The following EFCAB13 variants were observed in gnomAD, a reference collection of about 807,000 sequenced individuals.
EFCAB13 encodes the protein EF-hand calcium-binding domain-containing protein 13.
Under a neutral mutation model 110.2 loss-of-function variants are expected in EFCAB13, and 91 were observed. That is an observed-to-expected ratio of 0.83 (90% CI 0.70 to 0.98). EFCAB13 has a LOEUF of 0.98. EFCAB13 is among the 50% of genes least tolerant of loss of function. The pLI is 0.00. For missense variants in EFCAB13, 968 were observed against 1,119.4 expected, an observed-to-expected ratio of 0.86 and a Z score of 1.93; for synonymous variants, 323 against 369.9, an observed-to-expected ratio of 0.87 and a Z score of 1.45.
rs1373505926 is a variant in EFCAB13 at position 47,344,650 on chromosome 17, C to T, written c.434+358C>T. 8.5e-5 allele frequency among the ~76,000 whole-genome samples: 13 copies of T among 152,112 alleles called. No individual in the cohort carries two copies. In the South Asian group the frequency reaches 2.7e-3, roughly 32 times the overall value. ...AAATCATCTTTTCCAGACATTTTTCCTGATAGGTGATGGAATCTGAGATTC... is the reference window on the plus strand; with the variant it reads ...AAATCATCTTTTCCAGACATTTTTCTTGATAGGTGATGGAATCTGAGATTC... On this transcript the variant is annotated intron_variant, in intron 7 of 24. Coordinates refer to ENST00000331493, the MANE Select transcript of EFCAB13 (RefSeq NM_152347.5).
chr17:47,395,999 A>T, intron 17 of EFCAB13, 22 bp downstream of exon 17: 1 of 1,569,240 alleles, frequency 6.4e-7, no homozygotes. Flanking sequence ...AAATACTAAA[A>T]TTAAAAAGTA....
At chr17:47,420,187 G>T (rs1455775719) in intron 23 of EFCAB13, among the ~76,000 whole-genome samples, 4 of 152,370 alleles carry the variant, frequency 2.6e-5, no homozygotes, top group Non-Finnish European at 5.9e-5. Flanking sequence ...TAACGTGAGT[G>T]ATCCGCCAGC....
intron 2 of EFCAB13, among the ~76,000 whole-genome samples, chr17:47,325,030 C>CCCCCTTTTTTTTTTTT (rs1187065378): frequency 1.7e-5 from 2 of 116,792 alleles, no homozygotes; most frequent in Admixed American, 8.2e-5. Context: ...CCCCACCCCC[C>CCCCCTTTTTTTTTTTT]TTTTTTTTTT....
intron 10 of EFCAB13, among the ~76,000 whole-genome samples, chr17:47,362,787 C>A (rs1409505526): frequency 6.6e-6 from 1 of 152,212 alleles, no homozygotes; most frequent in Non-Finnish European, 1.5e-5. Flanking sequence ...CCTTGGCTGC[C>A]AGGCAGGGAA....
chr17:47,389,868 G>C (rs2065696523), intron 14 of EFCAB13, among the ~76,000 whole-genome samples: 1 of 152,180 alleles, frequency 6.6e-6, no homozygotes, highest in African/African-American at 2.4e-5. Flanking sequence ...AATTAAAAAA[G>C]AGCTTTTAAT....
chr17:47,426,701 A>G (rs1904973912), intron 23 of EFCAB13, among the ~76,000 whole-genome samples: 1 of 152,174 alleles, frequency 6.6e-6, no homozygotes, highest in Non-Finnish European at 1.5e-5. Flanking sequence ...AAAAAAAGAA[A>G]AAAGTTAAAG....
At chr17:47,375,578 G>A (rs944120074) in intron 12 of EFCAB13, among the ~76,000 whole-genome samples, 6 of 152,016 alleles carry the variant, frequency 3.9e-5, no homozygotes, top group African/African-American at 1.4e-4. Context: ...TTACAGGCAT[G>A]AGCCACCACG....
intron 23 of EFCAB13, among the ~76,000 whole-genome samples, chr17:47,425,500 A>G (rs181660677): frequency 6.6e-6 from 1 of 152,320 alleles, no homozygotes; most frequent in East Asian, 1.9e-4. Context: ...GAACCCAGTA[A>G]GCTTTGTCAC....
At chr17:47,336,709 G>C (rs2065353517) in intron 5 of EFCAB13, among the ~76,000 whole-genome samples, 1 of 151,524 alleles carries the variant, frequency 6.6e-6, no homozygotes, top group Non-Finnish European at 1.5e-5. Flanking sequence ...AAAGTGCTGG[G>C]ATTACAAGCG....
intron 4 of EFCAB13, among the ~76,000 whole-genome samples, chr17:47,331,783 GT>G (rs377604994): frequency 2.6e-5 from 4 of 152,124 alleles, no homozygotes; most frequent in Non-Finnish European, 5.9e-5. Flanking sequence ...TGTCTCCATA[GT>G]TTTGCCTTTT....
At chr17:47,353,189 C>T (rs1313956084) in intron 9 of EFCAB13, among the ~76,000 whole-genome samples, 1 of 151,990 alleles carries the variant, frequency 6.6e-6, no homozygotes, top group African/African-American at 2.4e-5. Context: ...AAACATTTCC[C>T]CATTCAGTAG....
chr17:47,345,108 G>T lies in EFCAB13; in HGVS notation c.517+10G>T. 1 of 1,569,476 alleles carries T rather than the reference G, an allele frequency of 6.4e-7. No individual in the cohort carries two copies. The highest frequency in any genetic ancestry group is 8.6e-7 in the Non-Finnish European group (1 of 1,156,154). ...TCAAAAGAATTAAGTGGTAATAAGA[G>T]GTTCTAAAATTTCTTGAATACATTT... On this transcript the variant is annotated intron_variant, in intron 8 of 24. Coordinates refer to ENST00000331493, the MANE Select transcript of EFCAB13 (RefSeq NM_152347.5).
chr17:47,420,228 C>A (rs572517444), intron 23 of EFCAB13, among the ~76,000 whole-genome samples: 1 of 152,288 alleles, frequency 6.6e-6, no homozygotes, highest in South Asian at 2.1e-4. Context: ...GGGTTGCAGA[C>A]GGAGTCTGGT....
intron 9 of EFCAB13, among the ~76,000 whole-genome samples, chr17:47,351,279 C>CTGTG (rs140772791): frequency 0.13 from 17,233 of 127,854 alleles, 1,313 homozygotes; most frequent in Middle Eastern, 0.21. Flanking sequence ...TAGTATTCCA[C>CTGTG]TGTGTGTGTG....
At chr17:47,420,842 A>G (rs1404252581) in intron 23 of EFCAB13, among the ~76,000 whole-genome samples, 35 of 139,842 alleles carry the variant, frequency 2.5e-4, no homozygotes, top group African/African-American at 9.3e-4. Flanking sequence ...CAGGCCAGCC[A>G]CCCCGTCCGG....
intron 22 of EFCAB13, among the ~76,000 whole-genome samples, chr17:47,413,204 TTA>T (rs1329295035): frequency 2.0e-4 from 31 of 151,992 alleles, no homozygotes; most frequent in Admixed American, 3.3e-4. Context: ...CAACAGCAGC[TTA>T]TTTTGATATG....
chr17:47,371,314 G>A (rs2065583473), intron 11 of EFCAB13, among the ~76,000 whole-genome samples: 2 of 151,966 alleles, frequency 1.3e-5, no homozygotes, highest in African/African-American at 4.8e-5. Context: ...CCAATGTCCT[G>A]TAGACTTCTC....
At chr17:47,418,416 C>A (rs539413238) in intron 23 of EFCAB13, among the ~76,000 whole-genome samples, 5 of 152,252 alleles carry the variant, frequency 3.3e-5, no homozygotes, top group African/African-American at 1.2e-4. Context: ...TATTCAAATC[C>A]TTTGCCCATT....
intron 4 of EFCAB13, among the ~76,000 whole-genome samples, chr17:47,330,370 T>G (rs986982948): frequency 6.6e-6 from 1 of 152,102 alleles, no homozygotes; most frequent in African/African-American, 2.4e-5. Flanking sequence ...ATGGCTGAAT[T>G]ATACAGTGGT....
Sources: gnomAD v4.1 joint callset for allele counts (sites outside exome capture counted in the v4.1 genomes callset) on GRCh38, gnomAD v4.1.1 for gene constraint, MANE v1.5 for transcripts, NCBI Gene and HGNC (gene_info 2026-07-23, HGNC 2026-07-21) for gene names.